Variants in ABCA13 observed in about 807,000 individuals in gnomAD.
The protein encoded by ABCA13 is ATP binding cassette subfamily A member 13.
Under a neutral mutation model 478.7 loss-of-function variants are expected in ABCA13, and 476 were observed. That is an observed-to-expected ratio of 0.99 (90% CI 0.92 to 1.07). ABCA13 has a LOEUF of 1.07. Ranked by LOEUF, ABCA13 falls within the 50% of genes least tolerant of loss-of-function variation. The pLI is 0.00. For missense variants in ABCA13, 6,060 were observed against 5,910.6 expected (o/e 1.03, Z -0.83); for synonymous variants, 2,252 against 2,158.9 (o/e 1.04, Z -1.20).
chr7:48,626,715 G>C (rs1387486599), intron 59 of ABCA13: 2 of 985,410 alleles, frequency 2.0e-6, no homozygotes, highest in East Asian at 2.3e-4. Flanking sequence ...CGGCTGATCT[G>C]AGCTTGAGAA....
intron 51 of ABCA13, 42 bp downstream of exon 51, chr7:48,511,241 T>G (rs1831656937): frequency 2.6e-6 from 4 of 1,528,028 alleles, no homozygotes; most frequent in Non-Finnish European, 3.6e-6. Context: ...CGGTTTGTTT[T>G]CTGAAAGAGA....
intron 15 of ABCA13, among the ~76,000 whole-genome samples, chr7:48,263,877 A>G (rs1164429249): frequency 6.6e-6 from 1 of 151,908 alleles, no homozygotes; most frequent in African/African-American, 2.4e-5. Context: ...ACATATATCC[A>G]TAAAACTGTA....
rs1243869654 is a variant in ABCA13 at position 48,412,569 on chromosome 7, A to T, written c.12445A>T (p.Thr4149Ser). The change falls in exon 41 of 62, where the codon ACC becomes TCC. Residue 4149 changes from threonine to serine, a missense_variant. Thr to Ser is a moderately conservative substitution (Grantham distance 58). Around this residue, in one of 3 missense-constraint regions of ABCA13, gnomAD observed 1,627 missense variants for 1,571.0 expected, o/e 1.04. Coordinates refer to ENST00000435803, the MANE Select transcript of ABCA13 (RefSeq NM_152701.5). Reference sequence around the variant, plus strand: ...CCTGACGGGCTATGGGATCTCAGACACCACCTTAGAAGAGGTACTGAGAAA... The same window carrying T: ...CCTGACGGGCTATGGGATCTCAGACTCCACCTTAGAAGAGGTACTGAGAAA... ...LHLTGYGISD[T>S]TLEEVFLMLL... is the part of the protein sequence containing the mutation. 1 of 1,610,514 alleles carries T rather than the reference A, an allele frequency of 6.2e-7. No homozygotes were observed.
intron 55 of ABCA13, among the ~76,000 whole-genome samples, chr7:48,567,235 A>G (rs954229021): frequency 2.6e-5 from 4 of 152,126 alleles, no homozygotes; most frequent in Non-Finnish European, 5.9e-5. Flanking sequence ...GACCTTTTCC[A>G]TTGTTGAATC....
rs535560590 is a variant in ABCA13 at position 48,544,353 on chromosome 7, C to A, written c.14354+16008C>A. On this transcript the variant is annotated intron_variant, in intron 55 of 61. Coordinates refer to ENST00000435803, the MANE Select transcript of ABCA13 (RefSeq NM_152701.5). ...TTATGCTAATGATTTATGGCGCTGG[C>A]AGCCTCTAGGTCACTTCAGGATGGG... Among the ~76,000 whole-genome samples, 3 of 151,984 alleles carry A rather than the reference C, an allele frequency of 2.0e-5. No individual in the cohort carries two copies. In the East Asian group the frequency reaches 5.8e-4, roughly 29 times the overall value.
At chr7:48,209,273 A>G (rs1353822082) in intron 3 of ABCA13, among the ~76,000 whole-genome samples, 3 of 152,058 alleles carry the variant, frequency 2.0e-5, no homozygotes, top group Non-Finnish European at 4.4e-5. Context: ...TATTTTGTTG[A>G]GAATTTTTGC....
chr7:48,226,704 A>C (rs1413394070), intron 5 of ABCA13, among the ~76,000 whole-genome samples: 3 of 151,992 alleles, frequency 2.0e-5, no homozygotes, highest in Admixed American at 1.3e-4. Context: ...GGCACTGGAG[A>C]CCCATGTTCC....
intron 51 of ABCA13, among the ~76,000 whole-genome samples, chr7:48,511,863 G>T (rs536457618): frequency 1.3e-5 from 2 of 152,030 alleles, no homozygotes; most frequent in Admixed American, 1.3e-4. Context: ...ATACTTCAAG[G>T]CTATTTTAAA....
chr7:48,366,054 A>G (rs962889581), intron 31 of ABCA13, among the ~76,000 whole-genome samples: 1 of 152,214 alleles, frequency 6.6e-6, no homozygotes, highest in Non-Finnish European at 1.5e-5. Context: ...TCTTGAGGAA[A>G]AAAAATGAAG....
intron 36 of ABCA13, among the ~76,000 whole-genome samples, chr7:48,388,457 T>A (rs1328632816): frequency 6.6e-6 from 1 of 152,176 alleles, no homozygotes; most frequent in Non-Finnish European, 1.5e-5. Flanking sequence ...TCCCTGTGCC[T>A]CTGCACTCCA....
intron 3 of ABCA13, among the ~76,000 whole-genome samples, chr7:48,219,123 A>T (rs937404114): frequency 4.6e-5 from 7 of 152,234 alleles, no homozygotes; most frequent in African/African-American, 1.7e-4. Flanking sequence ...AAGCTTTCAG[A>T]TAATACAGAG....
chr7:48,467,468 C>T (rs1324520447), intron 44 of ABCA13, among the ~76,000 whole-genome samples: 1 of 152,108 alleles, frequency 6.6e-6, no homozygotes, highest in East Asian at 1.9e-4. Flanking sequence ...AAGGTCAGTA[C>T]TGTACATCAA....
intron 23 of ABCA13, among the ~76,000 whole-genome samples, chr7:48,308,188 C>A (rs988481889): frequency 3.9e-5 from 6 of 152,086 alleles, no homozygotes; most frequent in Non-Finnish European, 7.3e-5. Flanking sequence ...TCTAGGCCTA[C>A]ATGAGGTCAG....
intron 12 of ABCA13, 119 bp from the exon 13 acceptor site, chr7:48,245,744 C>T (rs562576046): frequency 6.9e-7 from 1 of 1,442,420 alleles, no homozygotes; most frequent in South Asian, 1.4e-5. Flanking sequence ...TTTTTCAAAA[C>T]TTTATGTTGT....
Position 48,295,792 on chromosome 7 carries a change from C to G in ABCA13, c.9048C>G (p.Ser3016Arg). The change falls in exon 21 of 62, where the codon AGC becomes AGG. Residue 3016 changes from serine to arginine, a missense_variant. Ser to Arg is a moderately radical substitution (Grantham distance 110, BLOSUM62 -1). Around this residue, in one of 3 missense-constraint regions of ABCA13, gnomAD observed 4,423 missense variants for 4,309.1 expected, o/e 1.03. Coordinates refer to ENST00000435803, the MANE Select transcript of ABCA13 (RefSeq NM_152701.5). ...LSSTLESFKS[S>R]LENATGQDCT... ...GCACCTTGGAGAGCTTCAAGAGCAGCTTGGAAAATGCCACTGGCCAGGACT... is the reference window on the plus strand; with the variant it reads ...GCACCTTGGAGAGCTTCAAGAGCAGGTTGGAAAATGCCACTGGCCAGGACT... The G allele has an allele frequency of 6.2e-7, 1 of 1,614,008 alleles. No homozygotes were observed. Among genetic ancestry groups the G allele is most frequent in the Non-Finnish European group, 8.5e-7 (1 of 1,179,894 alleles).
chr7:48,323,881 A>G (rs1803903279), intron 27 of ABCA13, among the ~76,000 whole-genome samples: 1 of 152,186 alleles, frequency 6.6e-6, no homozygotes, highest in Non-Finnish European at 1.5e-5. Context: ...AAGTCTCATG[A>G]GATCTGAAGA....
intron 15 of ABCA13, among the ~76,000 whole-genome samples, chr7:48,250,004 T>C (rs556889171): frequency 6.7e-6 from 1 of 148,974 alleles, no homozygotes; most frequent in African/African-American, 2.5e-5. Context: ...GCTTCCCTTC[T>C]CACTTCTGAT....
chr7:48,237,364 G>T (rs1790126876), intron 8 of ABCA13, among the ~76,000 whole-genome samples: 1 of 152,128 alleles, frequency 6.6e-6, no homozygotes, highest in African/African-American at 2.4e-5. Context: ...ACAAGGGCAG[G>T]TTCTGTACCT....
chr7:48,370,062 C>A (rs1812395118), intron 32 of ABCA13, among the ~76,000 whole-genome samples: 1 of 152,134 alleles, frequency 6.6e-6, no homozygotes, highest in Non-Finnish European at 1.5e-5. Flanking sequence ...TCTGTGATTT[C>A]TTTTAACAGT....
Sources: allele counts gnomAD v4.1 joint callset (sites outside exome capture counted in the v4.1 genomes callset), GRCh38; gene constraint gnomAD v4.1.1; regional missense constraint gnomAD v4.1.1; transcripts MANE v1.5; gene names NCBI Gene and HGNC (gene_info 2026-07-23, HGNC 2026-07-21).